The following UBA6 variants were observed in gnomAD, a reference collection of about 807,000 sequenced individuals.
UBA6 encodes the protein ubiquitin like modifier activating enzyme 6.
Under a neutral mutation model 148.3 loss-of-function variants are expected in UBA6, and 87 were observed. The observed-to-expected ratio is 0.59, with a 90% CI of 0.49 to 0.70. The LOEUF is 0.70. Among genes scored for constraint, UBA6 ranks in the 30% least tolerant of loss-of-function variants. The probability of loss-of-function intolerance (pLI) is 0.00; values close to 1 mark genes in which losing one functional copy is unlikely to be tolerated. For missense variants in UBA6, 1,186 were observed against 1,241.2 expected (o/e 0.96, Z 0.67); for synonymous variants, 376 against 401.0 (o/e 0.94, Z 0.75).
chr4:67,686,295 T>A (rs968181281), intron 2 of UBA6, among the ~76,000 whole-genome samples: 1 of 152,192 alleles, frequency 6.6e-6, no homozygotes, highest in Non-Finnish European at 1.5e-5. Context: ...GTTCTAGAGT[T>A]TTCTTTCTCT....
In UBA6 at chr4:67,649,201, T is replaced by C; in HGVS notation, c.1115A>G (p.Asn372Ser). ...SETLEEKPDVNADIVHWLSWT... is the reference protein window; with the variant it reads ...SETLEEKPDVSADIVHWLSWT... ...AGAGAGCCAATGCACAATGTCAGCA[T>C]TTACATCAGGCTAAAACAAAAGCCA... Residue 372 changes from asparagine to serine, a missense_variant, in exon 14 of 33, where the codon AAT (asparagine) becomes AGT (serine). Coordinates refer to ENST00000322244, the MANE Select transcript of UBA6 (RefSeq NM_018227.6). 6.2e-7 allele frequency: 1 copy of C among 1,609,568 alleles called. No individual in the cohort carries two copies. The highest frequency in any genetic ancestry group is 1.7e-5 in the Admixed American group (1 of 59,274).
intron 28 of UBA6, among the ~76,000 whole-genome samples, chr4:67,625,396 TAA>T (rs397878989): frequency 2.1e-5 from 3 of 141,234 alleles, no homozygotes; most frequent in East Asian, 2.0e-4. Flanking sequence ...TTTTTTTAAT[TAA>T]AAAAAAAAAA....
chr4:67,695,095 TA>T (rs1446683631), intron 2 of UBA6, among the ~76,000 whole-genome samples: 1 of 152,198 alleles, frequency 6.6e-6, no homozygotes, highest in African/African-American at 2.4e-5. Context: ...GGAGGGACAT[TA>T]AAAAAGTTTC....
chr4:67,622,723 A>T (rs1255250575), intron 32 of UBA6, 108 bp downstream of exon 32: 1 of 760,690 alleles, frequency 1.3e-6, no homozygotes, highest in African/African-American at 1.8e-5. Flanking sequence ...ATTAGACAAG[A>T]CTAATGCTTT....
At chr4:67,640,640 T>A (rs984372441) in intron 18 of UBA6, among the ~76,000 whole-genome samples, 2 of 152,164 alleles carry the variant, frequency 1.3e-5, no homozygotes, top group Non-Finnish European at 2.9e-5. Flanking sequence ...AAAGCAAATC[T>A]GCTTGACTTA....
chr4:67,679,864 G>A (rs564292382), intron 4 of UBA6, among the ~76,000 whole-genome samples: 1 of 152,164 alleles, frequency 6.6e-6, no homozygotes, highest in South Asian at 2.1e-4. Context: ...TTTGTAAACA[G>A]CGACAAAGAC....
intron 31 of UBA6, 30 bp from the exon 32 acceptor site, chr4:67,622,955 T>C: frequency 1.3e-6 from 2 of 1,549,438 alleles, no homozygotes; most frequent in Non-Finnish European, 1.8e-6. Flanking sequence ...AAAGAAACAA[T>C]GAAAGCCTCG....
chr4:67,673,153 C>T (rs915498797), intron 7 of UBA6, among the ~76,000 whole-genome samples: 8 of 152,044 alleles, frequency 5.3e-5, no homozygotes, highest in Non-Finnish European at 8.8e-5. Flanking sequence ...AAATCACCAT[C>T]ATAACGACAT....
At chr4:67,696,389 A>G (rs563820234) in intron 2 of UBA6, among the ~76,000 whole-genome samples, 142 of 151,116 alleles carry the variant, frequency 9.4e-4, no homozygotes, top group Middle Eastern at 3.5e-3. Context: ...CTCTTTATAT[A>G]TATGTGTGTA....
chr4:67,623,083 CAG>C, intron 31 of UBA6, 50 bp downstream of exon 31: 1 of 1,459,850 alleles, frequency 6.9e-7, no homozygotes, highest in Non-Finnish European at 9.4e-7. Flanking sequence ...AAAAACAAAA[CAG>C]AAACCAGACA....
intron 7 of UBA6, among the ~76,000 whole-genome samples, chr4:67,671,992 C>CT (rs922514522): frequency 5.3e-5 from 8 of 151,920 alleles, no homozygotes; most frequent in South Asian, 2.1e-4. Context: ...CCCACCCCAC[C>CT]TTTTTTTTAA....
chr4:67,623,794 G>T (rs1002807667), intron 30 of UBA6, among the ~76,000 whole-genome samples: 1 of 151,848 alleles, frequency 6.6e-6, no homozygotes, highest in Non-Finnish European at 1.5e-5. Context: ...TACAGGCCCA[G>T]GAATTGTTCT....
At chr4:67,688,256 A>T (rs1730616853) in intron 2 of UBA6, among the ~76,000 whole-genome samples, 1 of 152,182 alleles carries the variant, frequency 6.6e-6, no homozygotes, top group Admixed American at 6.5e-5. Flanking sequence ...CATTCAATGG[A>T]GGGTACTTTC....
At chr4:67,621,423 A>C (rs940959453) in intron 32 of UBA6, among the ~76,000 whole-genome samples, 1 of 152,262 alleles carries the variant, frequency 6.6e-6, no homozygotes, top group Admixed American at 6.5e-5. Context: ...TATTGATCTA[A>C]GTGCTTGAGA....
chr4:67,650,341 G>A (rs1176614691), intron 13 of UBA6, among the ~76,000 whole-genome samples: 1 of 152,060 alleles, frequency 6.6e-6, no homozygotes, highest in African/African-American at 2.4e-5. Flanking sequence ...GCTAGTAAAT[G>A]GTGAAGCCAG....
intron 27 of UBA6, 31 bp from the exon 28 acceptor site, chr4:67,626,508 G>T: frequency 7.4e-7 from 1 of 1,349,134 alleles, no homozygotes; most frequent in Non-Finnish European, 1.0e-6. Flanking sequence ...TTTTATTAAT[G>T]TTATCATTTC....
chr4:67,665,091 C>A, intron 10 of UBA6, 98 bp downstream of exon 10: 1 of 620,988 alleles, frequency 1.6e-6, no homozygotes, highest in Non-Finnish European at 2.7e-6. Flanking sequence ...AATTCTGTTC[C>A]ACATTTAATC....
intron 13 of UBA6, among the ~76,000 whole-genome samples, chr4:67,654,862 GAAA>G (rs141234627): frequency 1.5e-5 from 2 of 132,158 alleles, no homozygotes; most frequent in African/African-American, 2.9e-5. Flanking sequence ...CAAATGGAAA[GAAA>G]AAAAAAAAAA....
At chr4:67,623,352 T>A in intron 30 of UBA6, 130 bp from the exon 31 acceptor site, 1 of 629,308 alleles carries the variant, frequency 1.6e-6, no homozygotes. Context: ...TGTGGGGAAA[T>A]AAAGGATAAT....
Sources: gnomAD v4.1 joint callset for allele counts (sites outside exome capture counted in the v4.1 genomes callset) on GRCh38, gnomAD v4.1.1 for gene constraint, MANE v1.5 for transcripts, NCBI Gene and HGNC (gene_info 2026-07-23, HGNC 2026-07-21) for gene names.